Variants in RBFOX1 observed in about 807,000 individuals in gnomAD.
RBFOX1 encodes RNA binding protein fox-1 homolog 1.
Under a neutral mutation model 57.7 loss-of-function variants are expected in RBFOX1, and 8 were observed. That is an observed-to-expected ratio of 0.14 (90% CI 0.08 to 0.25). The LOEUF is 0.25. RBFOX1 is among the 10% of genes least tolerant of loss of function. The probability of loss-of-function intolerance (pLI) is 1.00; values close to 1 mark genes in which losing one functional copy is unlikely to be tolerated. For missense variants in RBFOX1, 611 were observed against 548.5 expected (o/e 1.11, Z -1.14); for synonymous variants, 326 against 222.4 (o/e 1.47, Z -4.15).
chr16:7,565,775 T>C (rs140785817), intron 5 of RBFOX1, among the ~76,000 whole-genome samples: 144 of 152,296 alleles, frequency 9.5e-4, no homozygotes, highest in Middle Eastern at 3.4e-3. Flanking sequence ...CAAAGTACAC[T>C]TTTTATTTAT....
intron 1 of RBFOX1, among the ~76,000 whole-genome samples, chr16:6,146,449 A>G (rs2096758866): frequency 6.6e-6 from 1 of 152,124 alleles, no homozygotes; most frequent in Non-Finnish European, 1.5e-5. Context: ...GCTGTCCTGT[A>G]CATTGTAGGA....
At chr16:6,759,835 A>C (rs1168878024) in intron 3 of RBFOX1, among the ~76,000 whole-genome samples, 2 of 152,224 alleles carry the variant, frequency 1.3e-5, no homozygotes, top group Non-Finnish European at 2.9e-5. Context: ...TATAATAGCA[A>C]GACAGTGGAA....
chr16:6,019,878 C>A lies in RBFOX1; in HGVS notation c.-241C>A. On this transcript the variant is annotated 5_prime_UTR_variant, in exon 1 of 16. Coordinates refer to ENST00000550418, the MANE Select transcript of RBFOX1 (RefSeq NM_018723.4). This position sits in a 1 kb window ranked among gnomAD's most constrained non-coding sequence, Gnocchi z 4.2. ...GGACAGTGCGTGAGAAACCAGCACC[C>A]CCTTCCGCCGCCTCCAGCTTATGGT... The A allele has an allele frequency of 6.5e-7, 1 of 1,534,890 alleles. No individual in the cohort carries two copies. The highest frequency in any genetic ancestry group is 8.7e-7 in the Non-Finnish European group (1 of 1,146,462).
intron 1 of RBFOX1, among the ~76,000 whole-genome samples, chr16:6,220,781 A>T (rs971542651): frequency 2.0e-5 from 3 of 151,180 alleles, no homozygotes; most frequent in Admixed American, 6.6e-5. Flanking sequence ...TACAATCAGC[A>T]TTAAATTTGT....
At chr16:6,763,868 G>T (rs1250128271) in intron 3 of RBFOX1, among the ~76,000 whole-genome samples, 1 of 152,134 alleles carries the variant, frequency 6.6e-6, no homozygotes, top group Non-Finnish European at 1.5e-5. Context: ...TATTTCATTT[G>T]CATATTGAAG....
At chr16:7,358,508 C>T (rs1220527204) in intron 4 of RBFOX1, among the ~76,000 whole-genome samples, 2 of 152,056 alleles carry the variant, frequency 1.3e-5, no homozygotes, top group African/African-American at 2.4e-5. Flanking sequence ...GCAACCTCCA[C>T]CTCCCGGGTT....
At chr16:7,408,479 G>T (rs1038361448) in intron 4 of RBFOX1, among the ~76,000 whole-genome samples, 1 of 152,144 alleles carries the variant, frequency 6.6e-6, no homozygotes, top group Non-Finnish European at 1.5e-5. Context: ...AAATTATAAC[G>T]TCTGTTTGAT....
chr16:5,911,801 G>A (rs563409552), intron 4 of RBFOX1, among the ~76,000 whole-genome samples: 184 of 152,254 alleles, frequency 1.2e-3, no homozygotes, highest in Non-Finnish European at 1.7e-3. Flanking sequence ...GGGAAGGGGA[G>A]CTCTCTAGGA....
intron 3 of RBFOX1, among the ~76,000 whole-genome samples, chr16:6,975,243 C>G (rs947024518): frequency 1.4e-5 from 2 of 147,824 alleles, no homozygotes; most frequent in African/African-American, 5.1e-5. Flanking sequence ...CAATACTCAA[C>G]CAAGAAGAAA....
At chr16:6,446,473 C>T (rs540860603) in intron 2 of RBFOX1, among the ~76,000 whole-genome samples, 1 of 152,250 alleles carries the variant, frequency 6.6e-6, no homozygotes, top group South Asian at 2.1e-4. Context: ...ATTCAAGTAA[C>T]ATAGAAGGGA....
chr16:5,373,052 C>G lies in RBFOX1; in HGVS notation c.220-94164C>G, dbSNP rs539138742. 1.2e-4 allele frequency among the ~76,000 whole-genome samples: 19 copies of G among 152,304 alleles called. 1 individual carries two copies. In the South Asian group the frequency reaches 3.9e-3, roughly 32 times the overall value. On this transcript the variant is annotated intron_variant, in intron 1 of 2. Transcript: ENST00000585867. Reference sequence around the variant, plus strand: ...AATAGCTTTCACATCTTGATATCACCTCTTCTCACTTCTGAAACTGGTGGG... The same window carrying G: ...AATAGCTTTCACATCTTGATATCACGTCTTCTCACTTCTGAAACTGGTGGG...
At chr16:7,405,049 G>T (rs1283580294) in intron 4 of RBFOX1, among the ~76,000 whole-genome samples, 2 of 152,182 alleles carry the variant, frequency 1.3e-5, no homozygotes, top group Non-Finnish European at 2.9e-5. Flanking sequence ...AACGCATAAG[G>T]GTGTGTTTTC....
chr16:6,814,370 C>T (rs1382001882), intron 3 of RBFOX1, among the ~76,000 whole-genome samples: 1 of 152,080 alleles, frequency 6.6e-6, no homozygotes, highest in Non-Finnish European at 1.5e-5. Context: ...CCATTTCTTT[C>T]TGACATTGTT....
At chr16:5,941,937 G>C (rs1193809183) in intron 4 of RBFOX1, among the ~76,000 whole-genome samples, 1 of 151,392 alleles carries the variant, frequency 6.6e-6, no homozygotes, top group Non-Finnish European at 1.5e-5. Flanking sequence ...CTCTATACTA[G>C]ATAACAACGA....
chr16:6,233,243 TGAAAG>T (rs2097479245), intron 1 of RBFOX1, among the ~76,000 whole-genome samples: 1 of 152,096 alleles, frequency 6.6e-6, no homozygotes, highest in South Asian at 2.1e-4. Flanking sequence ...TAGCTGCACT[TGAAAG>T]GATGAGTTAG....
At chr16:6,980,739 G>T (rs1482577793) in intron 3 of RBFOX1, among the ~76,000 whole-genome samples, 1 of 152,056 alleles carries the variant, frequency 6.6e-6, no homozygotes, top group African/African-American at 2.4e-5. Context: ...GATTATATGT[G>T]GGAAGAAAAT....
intron 2 of RBFOX1, among the ~76,000 whole-genome samples, chr16:6,365,597 T>C (rs13332661): frequency 0.026 from 3,924 of 152,310 alleles, 161 homozygotes; most frequent in African/African-American, 0.09. Flanking sequence ...TGACATATGC[T>C]ATCTTTTTTT....
intron 1 of RBFOX1, among the ~76,000 whole-genome samples, chr16:5,368,564 G>T (rs2065782226): frequency 6.6e-6 from 1 of 152,136 alleles, no homozygotes; most frequent in African/African-American, 2.4e-5. Context: ...CTCTTGCTTA[G>T]CTTTTATTTC....
intron 4 of RBFOX1, among the ~76,000 whole-genome samples, chr16:7,195,152 T>C (rs1416794972): frequency 6.6e-6 from 1 of 152,202 alleles, no homozygotes. Context: ...TGCCTCATAT[T>C]GCATTTCTTG....
Sources: gnomAD v4.1 joint callset for allele counts (sites outside exome capture counted in the v4.1 genomes callset) on GRCh38, gnomAD v4.1.1 for gene constraint, Gnocchi (gnomAD v3.1) non-coding constraint, MANE v1.5 for transcripts, NCBI Gene and HGNC (gene_info 2026-07-23, HGNC 2026-07-21) for gene names.